PRKN: variants seen among roughly 807,000 people sequenced by gnomAD.
PRKN encodes the protein parkin RBR E3 ubiquitin protein ligase.
PRKN carries 56 observed loss-of-function variants against 59.5 expected under a neutral mutation model. The ratio of observed to expected loss-of-function variants is 0.94; its 90% CI spans 0.76 to 1.18. PRKN has a LOEUF of 1.18. Among genes scored for constraint, PRKN ranks in the 50% most tolerant of loss-of-function variants. PRKN has a pLI of 0.00. For synonymous variants in PRKN, 250 were observed against 222.1 expected (o/e 1.13, Z -1.12); for missense variants, 657 against 596.4 (o/e 1.10, Z -1.06).
At chr6:162,088,884 A>G (rs1166882290) in intron 4 of PRKN, among the ~76,000 whole-genome samples, 1 of 152,192 alleles carries the variant, frequency 6.6e-6, no homozygotes, top group Non-Finnish European at 1.5e-5. Flanking sequence ...CTGAGTTCCT[A>G]CATCACATTA....
chr6:162,078,024 T>G (rs1026648773), intron 4 of PRKN, among the ~76,000 whole-genome samples: 3 of 149,322 alleles, frequency 2.0e-5, no homozygotes, highest in Admixed American at 6.7e-5. Flanking sequence ...AAAAAAAAAA[T>G]TATTTTTTAT....
chr6:162,537,671 G>A (rs1778775510), intron 1 of PRKN, among the ~76,000 whole-genome samples: 1 of 152,162 alleles, frequency 6.6e-6, no homozygotes, highest in Admixed American at 6.5e-5. Context: ...GACAGAATGT[G>A]TGAAATAGAT....
intron 9 of PRKN, among the ~76,000 whole-genome samples, chr6:161,421,767 G>A (rs1362910402): frequency 1.3e-5 from 2 of 152,200 alleles, no homozygotes; most frequent in Non-Finnish European, 2.9e-5. Flanking sequence ...GAAATCACAT[G>A]AAGAGTTTAA....
chr6:161,884,186 A>C (rs1180470935), intron 6 of PRKN, among the ~76,000 whole-genome samples: 3 of 152,194 alleles, frequency 2.0e-5, no homozygotes, highest in African/African-American at 4.8e-5. Flanking sequence ...TGTATTTTAG[A>C]GTTTCATGAA....
intron 4 of PRKN, among the ~76,000 whole-genome samples, chr6:162,141,002 C>T (rs997665693): frequency 1.3e-5 from 2 of 151,804 alleles, no homozygotes; most frequent in African/African-American, 2.4e-5. Context: ...TTGTGGCGGG[C>T]GCTTATAGTC....
rs1038505541 is a variant in PRKN, at chr6:161,397,859, C to T, written c.1084-10982G>A. Among the ~76,000 whole-genome samples, 7 of 152,018 alleles carry T rather than the reference C, an allele frequency of 4.6e-5. No homozygotes were observed. Among genetic ancestry groups the T allele is most frequent in the Middle Eastern group, 3.2e-3 (1 of 316 alleles). On this transcript the variant is annotated intron_variant, in intron 9 of 11. Coordinates refer to ENST00000366898, the MANE Select transcript of PRKN (RefSeq NM_004562.3). This position sits in a 1 kb window ranked among gnomAD's most constrained non-coding sequence, Gnocchi z 4.2. ...AAAGTACTTTAGTGACCTCGGAGGC[C>T]ATAATTTTGGTCCAATGGTTCAATG...
intron 1 of PRKN, among the ~76,000 whole-genome samples, chr6:162,613,427 T>C (rs1198604921): frequency 1.3e-5 from 2 of 152,356 alleles, no homozygotes; most frequent in African/African-American, 2.4e-5. Flanking sequence ...TGACAAACCA[T>C]AGATTTGTAA....
chr6:162,211,434 A>T (rs958383244), intron 3 of PRKN, among the ~76,000 whole-genome samples: 1 of 152,242 alleles, frequency 6.6e-6, no homozygotes, highest in Non-Finnish European at 1.5e-5. Flanking sequence ...CAAGAAATGG[A>T]ATCCATGGAA....
chr6:162,524,272 A>T (rs192581557), intron 1 of PRKN, among the ~76,000 whole-genome samples: 7 of 152,316 alleles, frequency 4.6e-5, no homozygotes, highest in Admixed American at 4.6e-4. Flanking sequence ...CTTCAGGATG[A>T]CCACATCCAA....
intron 5 of PRKN, among the ~76,000 whole-genome samples, chr6:162,030,726 C>T (rs1233848241): frequency 6.6e-6 from 1 of 152,186 alleles, no homozygotes; most frequent in Non-Finnish European, 1.5e-5. Flanking sequence ...GGCTCACACC[C>T]TGAAGACAAG....
At chr6:162,348,024 T>C (rs1422817990) in intron 2 of PRKN, among the ~76,000 whole-genome samples, 1 of 152,094 alleles carries the variant, frequency 6.6e-6, no homozygotes, top group Non-Finnish European at 1.5e-5. Context: ...TGGTGAGAGG[T>C]GCTCAGAGAC....
At chr6:161,540,043 G>A (rs1247895504) in intron 9 of PRKN, among the ~76,000 whole-genome samples, 1 of 152,126 alleles carries the variant, frequency 6.6e-6, no homozygotes, top group Non-Finnish European at 1.5e-5. Context: ...CAGAATGCTG[G>A]GGGTTGGGGA....
intron 8 of PRKN, among the ~76,000 whole-genome samples, chr6:161,564,360 C>T (rs957955202): frequency 7.2e-5 from 11 of 152,206 alleles, no homozygotes; most frequent in African/African-American, 2.4e-4. Context: ...CCAAGCTCCA[C>T]ATCCACTCTG....
chr6:161,781,833 A>G (rs1790218522), intron 7 of PRKN, among the ~76,000 whole-genome samples: 1 of 152,224 alleles, frequency 6.6e-6, no homozygotes. Flanking sequence ...ACTTTGTTTA[A>G]AATTAAAAAG....
intron 4 of PRKN, among the ~76,000 whole-genome samples, chr6:162,114,213 C>A (rs1454743072): frequency 6.6e-6 from 1 of 152,058 alleles, no homozygotes; most frequent in Admixed American, 6.6e-5. Flanking sequence ...TTTTTGGTTC[C>A]ATATGAACTT....
chr6:162,111,316 T>C (rs1317737258), intron 4 of PRKN, among the ~76,000 whole-genome samples: 1 of 151,878 alleles, frequency 6.6e-6, no homozygotes, highest in Non-Finnish European at 1.5e-5. Context: ...ATACAAAAAA[T>C]TACCCGAGTG....
intron 1 of PRKN, among the ~76,000 whole-genome samples, chr6:162,667,770 A>G (rs1273747234): frequency 6.6e-6 from 1 of 152,178 alleles, no homozygotes; most frequent in African/African-American, 2.4e-5. Flanking sequence ...CTTAGAGCTG[A>G]GTAAAAATAG....
At position 161,399,112 on chromosome 6, in the gene PRKN, A is replaced by G. The variant is rs1171318915; in HGVS notation, c.1084-12235T>C. On this transcript the variant is annotated intron_variant, in intron 9 of 11. Coordinates refer to ENST00000366898, the MANE Select transcript of PRKN (RefSeq NM_004562.3). The surrounding 1 kb of genome is among the most constrained non-coding windows in gnomAD (Gnocchi z 4.4). The stretch of plus-strand genomic sequence containing the variant: ...GAGAGGAGTTCTGCTGCAGACAGTT[A>G]GAGAGGAGATTGGCTGCTGGACGGC... 2.0e-5 allele frequency among the ~76,000 whole-genome samples: 3 copies of G among 152,136 alleles called. No homozygotes were observed. Among genetic ancestry groups the G allele is most frequent in the African/African-American group, 7.2e-5 (3 of 41,412 alleles).
intron 8 of PRKN, among the ~76,000 whole-genome samples, chr6:161,558,954 A>T (rs1047498724): frequency 1.4e-4 from 21 of 150,524 alleles, no homozygotes; most frequent in Admixed American, 1.1e-3. Context: ...GATGAAGTGA[A>T]TTGGCTAGAG....
Sources: gnomAD v4.1 joint callset for allele counts (sites outside exome capture counted in the v4.1 genomes callset) on GRCh38, gnomAD v4.1.1 for gene constraint, Gnocchi (gnomAD v3.1) non-coding constraint, MANE v1.5 for transcripts, NCBI Gene and HGNC (gene_info 2026-07-23, HGNC 2026-07-21) for gene names.